The following CRYBB1 variants were observed in gnomAD, a reference collection of about 807,000 sequenced individuals.
CRYBB1 encodes the protein beta-crystallin B1.
In CRYBB1, 16 loss-of-function variants were observed where a neutral mutation model predicts 29.5. The observed-to-expected ratio is 0.54, with a 90% CI of 0.37 to 0.82. The LOEUF (loss-of-function observed/expected upper bound fraction) is 0.82, where lower values mean the gene tolerates loss of function less well. Among genes scored for constraint, CRYBB1 ranks in the 40% least tolerant of loss-of-function variants. The pLI, the probability that CRYBB1 is intolerant of heterozygous loss-of-function variation, is 0.00. For synonymous variants in CRYBB1, 127 were observed against 136.7 expected (o/e 0.93, Z 0.49); for missense variants, 300 against 350.5 (o/e 0.86, Z 1.15).
intron 4 of CRYBB1, among the ~76,000 whole-genome samples, chr22:26,604,350 G>A (rs148593230): frequency 1.4e-4 from 21 of 152,256 alleles, no homozygotes; most frequent in African/African-American, 3.9e-4. Flanking sequence ...TACCCAGTAC[G>A]TAGTTGGTGC....
At chr22:26,608,871 G>A (rs185356662) in intron 3 of CRYBB1, among the ~76,000 whole-genome samples, 111 of 152,228 alleles carry the variant, frequency 7.3e-4, no homozygotes, top group African/African-American at 2.5e-3. Context: ...TAATGTGATA[G>A]CGCTTATGAA....
intron 5 of CRYBB1, among the ~76,000 whole-genome samples, chr22:26,600,983 GA>G (rs1205713318): frequency 6.6e-6 from 1 of 152,214 alleles, no homozygotes; most frequent in Non-Finnish European, 1.5e-5. Context: ...TTGAAGGTAG[GA>G]ACTTGGCTGT....
intron 5 of CRYBB1, among the ~76,000 whole-genome samples, 179 bp downstream of exon 5, chr22:26,601,700 A>T (rs145236413): frequency 3.8e-4 from 57 of 148,690 alleles, no homozygotes; most frequent in African/African-American, 1.4e-3. Context: ...TCAAAGTGTG[A>T]CTCTATTCCC....
At chr22:26,606,095 G>C (rs1029008496) in intron 4 of CRYBB1, among the ~76,000 whole-genome samples, 4 of 152,170 alleles carry the variant, frequency 2.6e-5, no homozygotes, top group Non-Finnish European at 5.9e-5. Context: ...TTCTTCCAGC[G>C]TGGGCCAGGG....
In CRYBB1 at chr22:26,607,462, C is replaced by T. The variant is rs138765426; in HGVS notation, c.432+427G>A. ...ATCCTAGCACTTTAGGAGGCCCAGG[C>T]GGGAGGATCACTTGAGGCCAGGAGT... On this transcript the variant is annotated intron_variant, in intron 4 of 5. Coordinates refer to ENST00000647684, the MANE Select transcript of CRYBB1 (RefSeq NM_001887.4). Among the ~76,000 whole-genome samples the T allele has an allele frequency of 2.5e-3, 371 of 149,398 alleles. 6 individuals are homozygous for T. Among genetic ancestry groups the T allele is most frequent in the African/African-American group, 8.8e-3 (360 of 40,722 alleles).
chr22:26,601,225 T>C (rs912183725), intron 5 of CRYBB1, among the ~76,000 whole-genome samples: 3 of 152,154 alleles, frequency 2.0e-5, no homozygotes, highest in East Asian at 3.9e-4. Flanking sequence ...GCATGGTCAT[T>C]TGGAGGCAGG....
chr22:26,609,100 A>G (rs1215699141), intron 3 of CRYBB1, among the ~76,000 whole-genome samples: 1 of 152,164 alleles, frequency 6.6e-6, no homozygotes, highest in Non-Finnish European at 1.5e-5. Flanking sequence ...CGTGTGTTCA[A>G]GAGTTCTTAG....
At position 26,608,087 on chromosome 22, in the gene CRYBB1, C is replaced by T. The variant is rs910543467; in HGVS notation, c.300-66G>A. ...GGTTAGTAGAAGCCCCCACTCCCTA[C>T]TTGCCTTTCTCTCTCCCCTGGCAAG... On this transcript the variant is annotated intron_variant, in intron 3 of 5. Transcript: ENST00000647684. The T allele has an allele frequency of 2.5e-6, 4 of 1,612,348 alleles. No individual in the cohort carries two copies. In the Admixed American group the frequency reaches 5.0e-5, roughly 20 times the overall value.
At chr22:26,613,219 T>C (rs895664377) in intron 2 of CRYBB1, among the ~76,000 whole-genome samples, 7 of 152,260 alleles carry the variant, frequency 4.6e-5, no homozygotes, top group African/African-American at 1.7e-4. Flanking sequence ...CCACTTGCTG[T>C]TCCAAGTTGG....
intron 3 of CRYBB1, among the ~76,000 whole-genome samples, chr22:26,610,056 A>G (rs1054846716): frequency 2.6e-5 from 4 of 151,906 alleles, no homozygotes; most frequent in African/African-American, 4.8e-5. Flanking sequence ...ACCATGCCCA[A>G]GTCCCCCTAA....
chr22:26,601,758 G>T, intron 5 of CRYBB1, 121 bp downstream of exon 5: 1 of 1,515,452 alleles, frequency 6.6e-7, no homozygotes, highest in Non-Finnish European at 8.9e-7. Context: ...AGCACTGGGA[G>T]ACTGTGGAAG....
intron 4 of CRYBB1, among the ~76,000 whole-genome samples, chr22:26,604,934 T>A (rs1928930285): frequency 6.6e-6 from 1 of 152,124 alleles, no homozygotes; most frequent in Non-Finnish European, 1.5e-5. Flanking sequence ...AAGACCCTGG[T>A]CTCCACCACC....
chr22:26,609,668 G>C (rs187044904), intron 3 of CRYBB1, among the ~76,000 whole-genome samples: 61 of 152,314 alleles, frequency 4.0e-4, no homozygotes, highest in African/African-American at 1.4e-3. Context: ...AGATGCATGG[G>C]TAAGTAGATG....
At chr22:26,617,701 G>C (rs1465332227) in intron 1 of CRYBB1, among the ~76,000 whole-genome samples, 1 of 151,034 alleles carries the variant, frequency 6.6e-6, no homozygotes, top group Non-Finnish European at 1.5e-5. Context: ...CTCCCTCTCT[G>C]TTCCTCTCTC....
chr22:26,599,409 A>G lies in CRYBB1; in HGVS notation c.*81T>C. 2 of 1,484,618 alleles carry G rather than the reference A, an allele frequency of 1.3e-6. No homozygotes were observed. Among genetic ancestry groups the G allele is most frequent in the Non-Finnish European group, 1.8e-6 (2 of 1,088,290 alleles). 92.0% of individuals were successfully genotyped at this position (1,484,618 alleles called of 1,614,324 possible). ...CCAGGAGAAATTTTGGCTTTAGGGA[A>G]TTTTATTTGCCTGGGAAAAATGGGG... is the stretch of plus-strand genomic sequence containing the variant. On this transcript the variant is annotated 3_prime_UTR_variant, in exon 6 of 6. Coordinates refer to ENST00000647684, the MANE Select transcript of CRYBB1 (RefSeq NM_001887.4).
chr22:26,612,289 A>T, intron 2 of CRYBB1, 99 bp from the exon 3 acceptor site: 3 of 773,950 alleles, frequency 3.9e-6, no homozygotes, highest in Non-Finnish European at 6.9e-6. Flanking sequence ...CAGGAGTCAC[A>T]TAAAAGTGTG....
Position 26,612,134 on chromosome 22 carries a change from C to T in CRYBB1, c.237G>A (p.Glu79=), listed in dbSNP as rs1929191775. Residue 79 remains glutamate (E), a synonymous_variant, in exon 3 of 6, where the codon GAG becomes GAA. Transcript: ENST00000647684. ...AGCCACGGTCTGCCAGATTTGAGCACTCCCCCGAGAATTCTGCTCGACGGC... is the reference window on the plus strand; with the variant it reads ...AGCCACGGTCTGCCAGATTTGAGCATTCCCCCGAGAATTCTGCTCGACGGC... ...FQGRRAEFSG[E]CSNLADRGFD... 6.2e-7 allele frequency: 1 copy of T among 1,614,036 alleles called. No homozygotes were observed.
chr22:26,612,209 C>G lies in CRYBB1; in HGVS notation c.181-19G>C. 2 of 1,565,910 alleles carry G rather than the reference C, an allele frequency of 1.3e-6. No individual in the cohort carries two copies. The highest frequency in any genetic ancestry group is 1.8e-6 in the Non-Finnish European group (2 of 1,136,194). ...CCACCAGCTGCAGGAGAGAAGCCCC[C>G]ATGCCAAGGGCAGAGTGAGGGGGGA... On this transcript the variant is annotated intron_variant, in intron 2 of 5. Transcript: ENST00000647684.
At chr22:26,607,778 C>G in intron 4 of CRYBB1, 111 bp downstream of exon 4, 1 of 1,465,924 alleles carries the variant, frequency 6.8e-7, no homozygotes, top group African/African-American at 1.4e-5. Flanking sequence ...TCGGAGGCTG[C>G]CACGCCTCCC....
Sources: allele counts gnomAD v4.1 joint callset (sites outside exome capture counted in the v4.1 genomes callset), GRCh38; gene constraint gnomAD v4.1.1; transcripts MANE v1.5; gene names NCBI Gene and HGNC (gene_info 2026-07-23, HGNC 2026-07-21).